PAK2: variants seen among roughly 807,000 people sequenced by gnomAD.
PAK2 encodes the protein p21 (RAC1) activated kinase 2, also known as serine/threonine-protein kinase PAK 2.
A neutral mutation model predicts 65.9 loss-of-function variants in PAK2; 21 were observed. The observed-to-expected ratio is 0.32, with a 90% CI of 0.23 to 0.46. PAK2 has a LOEUF of 0.46. PAK2 is among the 20% of genes least tolerant of loss of function. The pLI is 1.00. For missense variants in PAK2, 324 were observed against 642.6 expected, an observed-to-expected ratio of 0.50 and a Z score of 5.36; for synonymous variants, 204 against 219.7, an observed-to-expected ratio of 0.93 and a Z score of 0.63.
chr3:196,795,001 A>G (rs892332537), intron 2 of PAK2, among the ~76,000 whole-genome samples: 2 of 152,232 alleles, frequency 1.3e-5, no homozygotes, highest in Non-Finnish European at 2.9e-5. Flanking sequence ...AACATATCCA[A>G]TAAAAACCAG....
At chr3:196,815,036 C>T (rs1041754063) in intron 11 of PAK2, among the ~76,000 whole-genome samples, 18 of 151,602 alleles carry the variant, frequency 1.2e-4, no homozygotes, top group Admixed American at 2.6e-4. Context: ...AAAAATTAGC[C>T]GGGCGTGTTG....
intron 1 of PAK2, among the ~76,000 whole-genome samples, chr3:196,749,954 C>T (rs1007570008): frequency 1.3e-5 from 2 of 151,322 alleles, no homozygotes; most frequent in Non-Finnish European, 2.9e-5. Context: ...CCAGAGTAGC[C>T]AGGACTACAG....
chr3:196,827,040 A>G (rs1388176392), intron 13 of PAK2, among the ~76,000 whole-genome samples, 156 bp from the exon 14 acceptor site: 1 of 152,238 alleles, frequency 6.6e-6, no homozygotes, highest in Non-Finnish European at 1.5e-5. Flanking sequence ...ATAAGAGGAA[A>G]GTATCAAATC....
At chr3:196,810,676 C>G in intron 8 of PAK2, 23 bp downstream of exon 8, 1 of 1,127,656 alleles carries the variant, frequency 8.9e-7, no homozygotes, top group Non-Finnish European at 1.4e-6. Context: ...GACTGTATTA[C>G]GATAATATTC....
At chr3:196,761,134 C>A (rs1230553907) in intron 1 of PAK2, among the ~76,000 whole-genome samples, 2 of 137,596 alleles carry the variant, frequency 1.5e-5, no homozygotes, top group East Asian at 2.0e-4. Flanking sequence ...AAGGCTGAGG[C>A]AGGAGAACCG....
In PAK2 at chr3:196,768,881, G is replaced by T. The variant is rs941298668; in HGVS notation, c.-21-13745G>T. 3.2e-4 allele frequency among the ~76,000 whole-genome samples: 48 copies of T among 151,740 alleles called. 1 individual carries two copies. The highest frequency in any genetic ancestry group is 1.1e-3 in the African/African-American group (47 of 41,154). On this transcript the variant is annotated intron_variant, in intron 1 of 14. Coordinates refer to ENST00000327134, the MANE Select transcript of PAK2 (RefSeq NM_002577.4). ...GGGTTTCACCATGTTGCCCAGGATGGCCTCGAACTCCCAGACCTCAAGTGA... is the reference window on the plus strand; with the variant it reads ...GGGTTTCACCATGTTGCCCAGGATGTCCTCGAACTCCCAGACCTCAAGTGA...
intron 2 of PAK2, among the ~76,000 whole-genome samples, chr3:196,783,555 C>A (rs2051867658): frequency 1.4e-5 from 2 of 144,410 alleles, no homozygotes; most frequent in Admixed American, 7.4e-5. Flanking sequence ...GCACTCCAGC[C>A]TGGGGAACAG....
At chr3:196,774,041 C>T (rs911221279) in intron 1 of PAK2, among the ~76,000 whole-genome samples, 1 of 152,020 alleles carries the variant, frequency 6.6e-6, no homozygotes, top group Non-Finnish European at 1.5e-5. Flanking sequence ...CAAAAAAAAA[C>T]AACAACAAAA....
At chr3:196,779,611 G>T (rs181905692) in intron 1 of PAK2, among the ~76,000 whole-genome samples, 126 of 152,264 alleles carry the variant, frequency 8.3e-4, no homozygotes, top group Non-Finnish European at 2.8e-4. Flanking sequence ...CTATGTGGGA[G>T]CCTTGAGGAA....
chr3:196,806,706 C>CT lies in PAK2; in HGVS notation c.576+21dup. The CT allele has an allele frequency of 7.3e-7, 1 of 1,376,218 alleles. No individual in the cohort carries two copies. Among genetic ancestry groups the CT allele is most frequent in the Non-Finnish European group, 1.0e-6 (1 of 962,994 alleles). 85.3% of individuals were successfully genotyped at this position (1,376,218 alleles called of 1,614,324 possible). A position where few individuals can be genotyped will look rare whatever the true frequency, so the allele number is the denominator to read the frequency against. ...AAATCAGTGAGTCTCCATCGGTGAT[C>CT]TAGGCTGTGTGTGTGCACGTGTGTT... On this transcript the variant is annotated intron_variant, in intron 6 of 14. Transcript: ENST00000327134.
chr3:196,754,116 A>T (rs939361140), intron 1 of PAK2, among the ~76,000 whole-genome samples: 4 of 152,048 alleles, frequency 2.6e-5, no homozygotes, highest in African/African-American at 9.7e-5. Context: ...TTTAAAATTT[A>T]TCTCACTTTT....
intron 1 of PAK2, among the ~76,000 whole-genome samples, chr3:196,747,006 C>CT (rs796572919): frequency 7.3e-4 from 110 of 151,040 alleles, no homozygotes; most frequent in African/African-American, 2.4e-3. Context: ...TATTCATTTC[C>CT]TTTTTTTTAT....
chr3:196,790,297 A>G (rs1188241879), intron 2 of PAK2, among the ~76,000 whole-genome samples: 3 of 152,312 alleles, frequency 2.0e-5, no homozygotes, highest in South Asian at 4.1e-4. Context: ...CCTTTTGTCA[A>G]CATGTGACTC....
chr3:196,826,290 G>A (rs1396043628), intron 13 of PAK2, among the ~76,000 whole-genome samples: 1 of 152,022 alleles, frequency 6.6e-6, no homozygotes. Context: ...TCCTGCCTCA[G>A]CCTCCCGAGT....
chr3:196,764,678 CTAATTTAATT>C (rs755170570), intron 1 of PAK2, among the ~76,000 whole-genome samples: 1 of 151,220 alleles, frequency 6.6e-6, no homozygotes, highest in Non-Finnish European at 1.5e-5. Context: ...TACCCAATTT[CTAATTTAATT>C]TAATTTAATT....
intron 6 of PAK2, 76 bp downstream of exon 6, chr3:196,806,762 T>C (rs1715599055): frequency 1.2e-6 from 1 of 868,138 alleles, no homozygotes; most frequent in South Asian, 1.4e-5. Flanking sequence ...TATTTGACTT[T>C]CAGTGATTGC....
chr3:196,746,444 C>T (rs1358978580), intron 1 of PAK2, among the ~76,000 whole-genome samples: 1 of 152,006 alleles, frequency 6.6e-6, no homozygotes, highest in Non-Finnish European at 1.5e-5. Flanking sequence ...CGTGAATAAC[C>T]AAAATCCCAC....
Position 196,804,610 on chromosome 3 carries a change from A to G in PAK2, c.437-742A>G, listed in dbSNP as rs1315612204. Among the ~76,000 whole-genome samples the G allele has an allele frequency of 5.3e-5, 8 of 151,944 alleles. No individual in the cohort carries two copies. In the South Asian group the frequency reaches 6.2e-4, roughly 12 times the overall value. On this transcript the variant is annotated intron_variant, in intron 4 of 14. Coordinates refer to ENST00000327134, the MANE Select transcript of PAK2 (RefSeq NM_002577.4). ...AGCCTCCTGAGTAGCTGAGATTACA[A>G]GCATGCGCCGCCACACCTGGCTAAT...
chr3:196,748,103 G>A (rs915402060), intron 1 of PAK2, among the ~76,000 whole-genome samples: 64 of 151,608 alleles, frequency 4.2e-4, no homozygotes, highest in African/African-American at 1.5e-3. Context: ...TATGAAATAA[G>A]TATGTGTTGG....
Sources: gnomAD v4.1 joint callset for allele counts (sites outside exome capture counted in the v4.1 genomes callset) on GRCh38, gnomAD v4.1.1 for gene constraint, MANE v1.5 for transcripts, NCBI Gene and HGNC (gene_info 2026-07-23, HGNC 2026-07-21) for gene names.